The following RNF19B variants were observed in gnomAD, a reference collection of about 807,000 sequenced individuals.
The protein encoded by RNF19B is ring finger protein 19B.
RNF19B carries 23 observed loss-of-function variants against 65.5 expected under a neutral mutation model. The observed-to-expected ratio is 0.35, with a 90% CI of 0.25 to 0.50. The LOEUF is 0.50. RNF19B is among the 20% of genes least tolerant of loss of function. RNF19B has a pLI of 0.98. For synonymous variants in RNF19B, 372 were observed against 379.6 expected, an observed-to-expected ratio of 0.98 and a Z score of 0.23; for missense variants, 794 against 980.0, an observed-to-expected ratio of 0.81 and a Z score of 2.53.
Position 32,938,432 on chromosome 1 carries a change from G to T in RNF19B, c.1707C>A (p.Ala569=). ...GGTTGTAGGAACTGATTATGGAACCGGCCATAGCACGAGTGCTTGCGTTGT... is the reference window on the plus strand; with the variant it reads ...GGTTGTAGGAACTGATTATGGAACCTGCCATAGCACGAGTGCTTGCGTTGT... ...ISDNASTRAM[A]GSIISSYNPQ... The change falls in exon 8 of 9, where the codon GCC becomes GCA. Residue 569 remains alanine, a synonymous_variant. Coordinates refer to ENST00000235150, the MANE Select transcript of RNF19B (RefSeq NM_001300826.2). The T allele has an allele frequency of 1.2e-6, 2 of 1,614,154 alleles. No homozygotes were observed. Among genetic ancestry groups the T allele is most frequent in the Non-Finnish European group, 1.7e-6 (2 of 1,180,016 alleles).
chr1:32,942,232 G>A lies in RNF19B; in HGVS notation c.1610+20C>T. Reference sequence around the variant, plus strand: ...CTTATAATTCTAACCATTTCTGTCAGAAATTATCTATTTGTTTACCTGCTA... The same window carrying A: ...CTTATAATTCTAACCATTTCTGTCAAAAATTATCTATTTGTTTACCTGCTA... On this transcript the variant is annotated intron_variant, in intron 7 of 8. Transcript: ENST00000235150. 1 of 1,582,992 alleles carries A rather than the reference G, an allele frequency of 6.3e-7. No individual in the cohort carries two copies. Among genetic ancestry groups the A allele is most frequent in the Non-Finnish European group, 8.7e-7 (1 of 1,154,556 alleles).
Position 32,942,275 on chromosome 1 carries a change from G to A in RNF19B, c.1587C>T (p.Ser529=), listed in dbSNP as rs774047726. Residue 529 remains serine, a synonymous_variant, in exon 7 of 9, where the codon TCC becomes TCT. Transcript: ENST00000235150. ...ACCTGCTATATTTTCCCTTGCCACTGGAGAGAATGCCGCCACTCAGCGTGC... is the reference window on the plus strand; with the variant it reads ...ACCTGCTATATTTTCCCTTGCCACTAGAGAGAATGCCGCCACTCAGCGTGC... ...SGGTLSGGIL[S]SGKGKYSRLE... 2.5e-6 allele frequency: 4 copies of A among 1,611,276 alleles called. No homozygotes were observed. Among genetic ancestry groups the A allele is most frequent in the Non-Finnish European group, 3.4e-6 (4 of 1,177,618 alleles).
At chr1:32,941,206 C>G (rs194642) in intron 7 of RNF19B, among the ~76,000 whole-genome samples, 53,681 of 150,926 alleles carry the variant, frequency 0.36, 9,687 homozygotes, top group Admixed American at 0.43. Flanking sequence ...CTGGATGACA[C>G]AGTGAGAAAA....
At chr1:32,954,161 C>T (rs576401708) in intron 1 of RNF19B, among the ~76,000 whole-genome samples, 1 of 151,554 alleles carries the variant, frequency 6.6e-6, no homozygotes, top group African/African-American at 2.4e-5. Context: ...ATCCTCCTGC[C>T]TCAGCCTCCC....
Position 32,964,803 on chromosome 1 carries a change from C to T in RNF19B, c.-118G>A, listed in dbSNP as rs1250180042. ...GCCACCACCGCCTCAACCGCCCTCC[C>T]GGCGATAGAAGCCGAGCGGCAACGA... On this transcript the variant is annotated 5_prime_UTR_variant, in exon 1 of 9. Coordinates refer to ENST00000235150, the MANE Select transcript of RNF19B (RefSeq NM_001300826.2). This position sits in a 1 kb window ranked among gnomAD's most constrained non-coding sequence, Gnocchi z 6.5. The T allele has an allele frequency of 3.9e-6, 4 of 1,018,280 alleles. No individual in the cohort carries two copies. Among genetic ancestry groups the T allele is most frequent in the East Asian group, 7.3e-5 (2 of 27,266 alleles). The allele number at this position is 1,018,280 out of a possible 1,614,324, so 63.1% of individuals were successfully genotyped here.
intron 3 of RNF19B, among the ~76,000 whole-genome samples, chr1:32,947,246 G>A (rs1275095668): frequency 6.6e-6 from 1 of 152,184 alleles, no homozygotes; most frequent in African/African-American, 2.4e-5. Flanking sequence ...TGGCAATGAA[G>A]GTGTTGTGTT....
chr1:32,942,726 ACTCTG>A (rs1258908909), intron 6 of RNF19B, among the ~76,000 whole-genome samples: 1 of 152,208 alleles, frequency 6.6e-6, no homozygotes, highest in Non-Finnish European at 1.5e-5. Flanking sequence ...TGAAACTATA[ACTCTG>A]ATTCCAAGGC....
At chr1:32,932,179 G>A (rs539661824), downstream of RNF19B, among the ~76,000 whole-genome samples, 1 of 152,304 alleles carries the variant, frequency 6.6e-6, no homozygotes, top group African/African-American at 2.4e-5. Flanking sequence ...TCCCAGACCT[G>A]GAATTAGCCT....
At chr1:32,929,051 A>T in the RNF19B span, among the ~76,000 whole-genome samples, 2 of 152,156 alleles carry the variant, frequency 1.3e-5, no homozygotes, top group Non-Finnish European at 2.9e-5. Flanking sequence ...TAAGTAACAG[A>T]AATTTATTGT....
intron 1 of RNF19B, among the ~76,000 whole-genome samples, chr1:32,954,434 G>A (rs930813685): frequency 6.6e-6 from 1 of 151,712 alleles, no homozygotes; most frequent in African/African-American, 2.4e-5. Flanking sequence ...TGCATGACAT[G>A]AAGCTATTAA....
In RNF19B at chr1:32,964,456, G is replaced by A; in HGVS notation, c.230C>T (p.Pro77Leu). ...GGCCGGCTCGGCGGGCAGCGCCTCG[G>A]GCGGCGGGCCCTGGGCCGCGGCAGG... ...PAPAAAQGPP[P>L]EALPAEPAAE... The change falls in exon 1 of 9, where the codon CCC (proline) becomes CTC (leucine). Residue 77 changes from proline (P) to leucine (L), a missense_variant. Around this residue, in one of 3 missense-constraint regions of RNF19B, gnomAD observed 374 missense variants for 423.8 expected, o/e 0.88. Coordinates refer to ENST00000235150, the MANE Select transcript of RNF19B (RefSeq NM_001300826.2). The surrounding 1 kb of genome is among the most constrained non-coding windows in gnomAD (Gnocchi z 6.5). 2 of 991,956 alleles carry A rather than the reference G, an allele frequency of 2.0e-6. No homozygotes were observed. Among genetic ancestry groups the A allele is most frequent in the Non-Finnish European group, 1.2e-6 (1 of 834,890 alleles). The allele number at this position is 991,956 out of a possible 1,614,324, so 61.4% of individuals were successfully genotyped here.
chr1:32,932,869 GA>G (rs1349801605), downstream of RNF19B, among the ~76,000 whole-genome samples: 1 of 152,144 alleles, frequency 6.6e-6, no homozygotes, highest in Non-Finnish European at 1.5e-5. Flanking sequence ...TTTGGAAACA[GA>G]CTAAGGATGC....
At chr1:32,963,280 G>A (rs895685026) in intron 1 of RNF19B, among the ~76,000 whole-genome samples, 1 of 152,156 alleles carries the variant, frequency 6.6e-6, no homozygotes, top group African/African-American at 2.4e-5. Flanking sequence ...TTCAGCGGTG[G>A]TTGTCAGGGA....
Position 32,945,643 on chromosome 1 carries a change from A to G in RNF19B, c.1147-15T>C, listed in dbSNP as rs1272844267. 2 of 1,514,668 alleles carry G rather than the reference A, an allele frequency of 1.3e-6. No individual in the cohort carries two copies. Among genetic ancestry groups the G allele is most frequent in the Non-Finnish European group, 1.8e-6 (2 of 1,089,936 alleles). 93.8% of individuals were successfully genotyped at this position (1,514,668 alleles called of 1,614,324 possible). A position where few individuals can be genotyped will look rare whatever the true frequency, so the allele number is the denominator to read the frequency against. On this transcript the variant is annotated splice_polypyrimidine_tract_variant and intron_variant, in intron 4 of 8. Transcript: ENST00000235150. Reference sequence around the variant, plus strand: ...CTGCTGTGAATCTAAGAATAAAAAAAGAAAATCCAGGTCAGCAGGTTAGGA... The same window carrying G: ...CTGCTGTGAATCTAAGAATAAAAAAGGAAAATCCAGGTCAGCAGGTTAGGA...
At chr1:32,962,722 G>C (rs1642800954) in intron 1 of RNF19B, among the ~76,000 whole-genome samples, 1 of 152,146 alleles carries the variant, frequency 6.6e-6, no homozygotes, top group Non-Finnish European at 1.5e-5. Context: ...TTTACACACT[G>C]CAAGGACTCC....
At chr1:32,931,495 G>C (rs1428581755), downstream of RNF19B, among the ~76,000 whole-genome samples, 1 of 152,246 alleles carries the variant, frequency 6.6e-6, no homozygotes, top group Non-Finnish European at 1.5e-5. Context: ...AAAAGAAGTA[G>C]AGTTTGTGAG....
intron 1 of RNF19B, among the ~76,000 whole-genome samples, chr1:32,959,305 C>G (rs1212199994): frequency 6.6e-6 from 1 of 152,150 alleles, no homozygotes; most frequent in African/African-American, 2.4e-5. Context: ...TTCATCTGTA[C>G]AGAAGATCTG....
At position 32,959,359 on chromosome 1, in the gene RNF19B, C is replaced by T. The variant is rs544249813; in HGVS notation, c.635+4692G>A. On this transcript the variant is annotated intron_variant, in intron 1 of 8. Coordinates refer to ENST00000235150, the MANE Select transcript of RNF19B (RefSeq NM_001300826.2). ...TTTTCTGTTGCCTACTTTGCTCACC[C>T]GTCAGTCTCCTAGAGATTCTGAAAG... Among the ~76,000 whole-genome samples, 3 of 152,282 alleles carry T rather than the reference C, an allele frequency of 2.0e-5. No individual in the cohort carries two copies. The South Asian group carries it at 6.2e-4, about 32-fold the overall frequency.
rs1642854187 is a variant in RNF19B at position 32,964,445 on chromosome 1, G to T, written c.241C>A (p.Pro81Thr). The T allele has an allele frequency of 9.4e-7, 1 of 1,064,428 alleles. No individual in the cohort carries two copies. 65.9% of individuals were successfully genotyped at this position (1,064,428 alleles called of 1,614,324 possible). The change falls in exon 1 of 9, where the codon CCC (proline) becomes ACC (threonine). Residue 81 changes from proline (P) to threonine (T), a missense_variant. Transcript: ENST00000235150. This position sits in a 1 kb window ranked among gnomAD's most constrained non-coding sequence, Gnocchi z 6.5. ...AAQGPPPEAL[P>T]AEPAAEAEAE... The stretch of plus-strand genomic sequence containing the variant: ...TCGGCCTCGGCGGCCGGCTCGGCGG[G>T]CAGCGCCTCGGGCGGCGGGCCCTGG...
Sources: allele counts gnomAD v4.1 joint callset (sites outside exome capture counted in the v4.1 genomes callset), GRCh38; gene constraint gnomAD v4.1.1; regional missense constraint gnomAD v4.1.1; non-coding constraint Gnocchi (gnomAD v3.1); transcripts MANE v1.5; gene names NCBI Gene and HGNC (gene_info 2026-07-23, HGNC 2026-07-21).